The following RORA variants were observed in gnomAD, a reference collection of about 807,000 sequenced individuals.
The protein encoded by RORA is RAR related orphan receptor A, also known as nuclear receptor ROR-alpha.
RORA carries 7 observed loss-of-function variants against 69.5 expected under a neutral mutation model. That is an observed-to-expected ratio of 0.10 (90% CI 0.06 to 0.19). The LOEUF is 0.19. RORA is among the 10% of genes least tolerant of loss of function. The pLI, the probability that RORA is intolerant of heterozygous loss-of-function variation, is 1.00. For synonymous variants in RORA, 261 were observed against 240.8 expected (o/e 1.08, Z -0.78); for missense variants, 457 against 663.0 (o/e 0.69, Z 3.41).
chr15:60,746,556 T>G (rs2071651838), intron 1 of RORA, among the ~76,000 whole-genome samples: 1 of 152,174 alleles, frequency 6.6e-6, no homozygotes, highest in African/African-American at 2.4e-5. Flanking sequence ...TGATCAATGA[T>G]GCAGACTCCT....
chr15:61,077,293 G>A (rs1455458992), intron 1 of RORA, among the ~76,000 whole-genome samples: 1 of 152,158 alleles, frequency 6.6e-6, no homozygotes, highest in African/African-American at 2.4e-5. Flanking sequence ...ATTTTAGAAG[G>A]ACAGCACATT....
chr15:61,030,249 G>A (rs1415542615), intron 1 of RORA, among the ~76,000 whole-genome samples: 7 of 152,078 alleles, frequency 4.6e-5, no homozygotes, highest in Admixed American at 3.3e-4. Context: ...TGAGACAATG[G>A]GTGAAACTTG....
At chr15:60,861,702 A>T (rs1207992818) in intron 1 of RORA, among the ~76,000 whole-genome samples, 1 of 152,206 alleles carries the variant, frequency 6.6e-6, no homozygotes, top group Non-Finnish European at 1.5e-5. Flanking sequence ...AATTCCAAGG[A>T]ACGAGATGTC....
At chr15:60,602,114 G>A (rs2140557307) in intron 2 of RORA, among the ~76,000 whole-genome samples, 1 of 152,272 alleles carries the variant, frequency 6.6e-6, no homozygotes, top group African/African-American at 2.4e-5. Flanking sequence ...AGACCAGAAT[G>A]TAACGGTGAT....
In RORA at chr15:61,128,719, A is replaced by C. The variant is rs1482308843; in HGVS notation, c.166+100334T>G. ...GTCAGGGAAGGGGAAATAACTCCTG[A>C]ATTTCCTCCAGGGGAGTAAAAGCAG... On this transcript the variant is annotated intron_variant, in intron 1 of 10. Transcript: ENST00000335670. The surrounding 1 kb of genome is among the most constrained non-coding windows in gnomAD (Gnocchi z 4.5). 6.6e-6 allele frequency among the ~76,000 whole-genome samples: 1 copy of C among 152,212 alleles called. No individual in the cohort carries two copies. Among genetic ancestry groups the C allele is most frequent in the Non-Finnish European group, 1.5e-5 (1 of 68,030 alleles).
intron 1 of RORA, among the ~76,000 whole-genome samples, chr15:61,222,236 C>T (rs1374627324): frequency 6.6e-6 from 1 of 152,124 alleles, no homozygotes; most frequent in Non-Finnish European, 1.5e-5. Context: ...ACCACCAGGG[C>T]CCCAGTTCTG....
chr15:60,814,472 A>C (rs1408706278), intron 1 of RORA, among the ~76,000 whole-genome samples: 1 of 152,146 alleles, frequency 6.6e-6, no homozygotes, highest in Admixed American at 6.5e-5. Flanking sequence ...TCCTAATATG[A>C]GTTAAATATT....
intron 2 of RORA, among the ~76,000 whole-genome samples, chr15:60,658,087 CT>C (rs57998167): frequency 6.8e-5 from 10 of 146,174 alleles, no homozygotes; most frequent in South Asian, 6.5e-4. Flanking sequence ...TTCTTTTTTT[CT>C]TTTTTTTTTG....
chr15:60,735,602 C>T (rs564870980), intron 1 of RORA, among the ~76,000 whole-genome samples: 6 of 148,986 alleles, frequency 4.0e-5, no homozygotes, highest in Non-Finnish European at 7.4e-5. Flanking sequence ...AGTTGCACTT[C>T]GGCCTCCAGA....
intron 1 of RORA, among the ~76,000 whole-genome samples, chr15:60,789,546 A>G (rs765807751): frequency 6.6e-6 from 1 of 152,198 alleles, no homozygotes; most frequent in Non-Finnish European, 1.5e-5. Flanking sequence ...CCGTTTCTTG[A>G]TAATCTATAT....
intron 1 of RORA, among the ~76,000 whole-genome samples, chr15:61,044,681 A>T (rs546065740): frequency 1.3e-5 from 2 of 152,334 alleles, no homozygotes; most frequent in South Asian, 4.1e-4. Context: ...TATCATATAT[A>T]CGCTATATTT....
chr15:60,518,202 C>G (rs2066030513), intron 3 of RORA, among the ~76,000 whole-genome samples: 1 of 152,204 alleles, frequency 6.6e-6, no homozygotes, highest in South Asian at 2.1e-4. Flanking sequence ...AAGTCCCTAA[C>G]TAGACATAGC....
At chr15:60,719,253 A>T (rs566007863) in intron 1 of RORA, among the ~76,000 whole-genome samples, 1 of 152,116 alleles carries the variant, frequency 6.6e-6, no homozygotes, top group African/African-American at 2.4e-5. Flanking sequence ...TTTAGTGTTG[A>T]GATGACATGA....
intron 1 of RORA, among the ~76,000 whole-genome samples, chr15:60,884,593 G>C (rs1242638107): frequency 1.3e-5 from 2 of 152,216 alleles, no homozygotes; most frequent in African/African-American, 2.4e-5. Context: ...TACAGGGAGA[G>C]AGACAGGGAG....
intron 2 of RORA, among the ~76,000 whole-genome samples, chr15:60,645,682 G>A (rs1258201479): frequency 6.6e-6 from 1 of 151,984 alleles, no homozygotes; most frequent in African/African-American, 2.4e-5. Context: ...CATCAGCCAA[G>A]GTGACCAATT....
chr15:60,929,399 C>A (rs910232056), intron 1 of RORA, among the ~76,000 whole-genome samples: 2 of 152,098 alleles, frequency 1.3e-5, no homozygotes, highest in African/African-American at 4.8e-5. Context: ...AGGAAGGCAG[C>A]GGGAAATAAA....
intron 1 of RORA, among the ~76,000 whole-genome samples, chr15:61,075,979 G>T (rs1402015110): frequency 1.3e-5 from 2 of 152,160 alleles, no homozygotes; most frequent in Admixed American, 1.3e-4. Flanking sequence ...ACCCTGCTGA[G>T]GCAGCTGGGA....
chr15:60,556,864 C>A lies in RORA; in HGVS notation c.197-25013G>T, dbSNP rs775198467. Reference sequence around the variant, plus strand: ...ATGTTTCCCCTCACCATTCATGTATCCAGTTTGTACTTCCTTATCTTCCTT... The same window carrying A: ...ATGTTTCCCCTCACCATTCATGTATACAGTTTGTACTTCCTTATCTTCCTT... On this transcript the variant is annotated intron_variant, in intron 2 of 10. Transcript: ENST00000335670. The A allele has an allele frequency of 2.3e-5, 37 of 1,611,844 alleles. 1 individual carries two copies. In the South Asian group the frequency reaches 4.1e-4, roughly 18 times the overall value.
At chr15:60,908,210 T>C (rs1367435930) in intron 1 of RORA, among the ~76,000 whole-genome samples, 1 of 152,250 alleles carries the variant, frequency 6.6e-6, no homozygotes, top group Non-Finnish European at 1.5e-5. Context: ...TGAGGGGACA[T>C]GCACCTTCAT....
Sources: gnomAD v4.1 joint callset for allele counts (sites outside exome capture counted in the v4.1 genomes callset) on GRCh38, gnomAD v4.1.1 for gene constraint, Gnocchi (gnomAD v3.1) non-coding constraint, MANE v1.5 for transcripts, NCBI Gene and HGNC (gene_info 2026-07-23, HGNC 2026-07-21) for gene names.